Variants in MOXD1 observed in about 807,000 individuals in gnomAD.
MOXD1 encodes the protein monooxygenase DBH like 1.
Under a neutral mutation model 66.6 loss-of-function variants are expected in MOXD1, and 62 were observed. The observed-to-expected ratio is 0.93, with a 90% CI of 0.76 to 1.15. The LOEUF is 1.15. MOXD1 is among the 50% of genes most tolerant of loss of function. The pLI, the probability that MOXD1 is intolerant of heterozygous loss-of-function variation, is 0.00. For missense variants in MOXD1, 847 were observed against 754.6 expected (o/e 1.12, Z -1.44); for synonymous variants, 303 against 281.9 (o/e 1.07, Z -0.75).
chr6:132,307,715 A>G (rs1774726569), intron 10 of MOXD1, among the ~76,000 whole-genome samples: 1 of 152,158 alleles, frequency 6.6e-6, no homozygotes. Context: ...GGATTAACAA[A>G]CTCACTCAAA....
intron 1 of MOXD1, among the ~76,000 whole-genome samples, chr6:132,389,328 G>A (rs957985203): frequency 6.6e-6 from 1 of 151,468 alleles, no homozygotes; most frequent in African/African-American, 2.4e-5. Context: ...GCACATGCTA[G>A]CCCTTGTTTA....
intron 1 of MOXD1, among the ~76,000 whole-genome samples, chr6:132,379,960 C>T (rs1776477373): frequency 6.6e-6 from 1 of 152,112 alleles, no homozygotes; most frequent in Non-Finnish European, 1.5e-5. Flanking sequence ...CCACGTTGCC[C>T]AGGCTGGTCT....
chr6:132,309,529 T>C (rs552820506), intron 10 of MOXD1, among the ~76,000 whole-genome samples: 1 of 152,286 alleles, frequency 6.6e-6, no homozygotes, highest in African/African-American at 2.4e-5. Flanking sequence ...ATTTTAAATT[T>C]CATATGGAAT....
chr6:132,373,866 T>G (rs73546095), intron 2 of MOXD1, among the ~76,000 whole-genome samples: 4,945 of 152,344 alleles, frequency 0.032, 289 homozygotes, highest in African/African-American at 0.11. Context: ...TTATTCCAAT[T>G]AAAGTATAAT....
At chr6:132,343,313 G>A (rs1473994230) in intron 4 of MOXD1, among the ~76,000 whole-genome samples, 1 of 152,220 alleles carries the variant, frequency 6.6e-6, no homozygotes, top group Non-Finnish European at 1.5e-5. Context: ...AGTGGCTCAT[G>A]CCTGTAATCC....
At chr6:132,381,046 G>T (rs1473241437) in intron 1 of MOXD1, among the ~76,000 whole-genome samples, 3 of 152,144 alleles carry the variant, frequency 2.0e-5, no homozygotes, top group African/African-American at 7.2e-5. Flanking sequence ...GAAAAAAATA[G>T]ATCTAAGAGG....
chr6:132,358,064 G>C (rs1775942233), intron 4 of MOXD1, among the ~76,000 whole-genome samples: 1 of 152,142 alleles, frequency 6.6e-6, no homozygotes, highest in Non-Finnish European at 1.5e-5. Context: ...TATTGTGATA[G>C]GTCATATCTC....
At chr6:132,340,941 C>T (rs1252649814) in intron 4 of MOXD1, among the ~76,000 whole-genome samples, 2 of 152,134 alleles carry the variant, frequency 1.3e-5, no homozygotes, top group Non-Finnish European at 2.9e-5. Flanking sequence ...CCACTGCGCC[C>T]GGCAAGACTC....
chr6:132,383,444 A>G (rs1562298844), intron 1 of MOXD1, among the ~76,000 whole-genome samples: 1 of 152,218 alleles, frequency 6.6e-6, no homozygotes, highest in African/African-American at 2.4e-5. Flanking sequence ...GATCTGTTAA[A>G]TACCTACTAA....
chr6:132,315,276 A>G (rs1035172199), intron 10 of MOXD1, among the ~76,000 whole-genome samples: 1 of 151,930 alleles, frequency 6.6e-6, no homozygotes, highest in Non-Finnish European at 1.5e-5. Flanking sequence ...ATTCTGTGTG[A>G]CTCCACTGGA....
At chr6:132,359,580 G>A (rs1261198277) in intron 4 of MOXD1, among the ~76,000 whole-genome samples, 3 of 146,990 alleles carry the variant, frequency 2.0e-5, no homozygotes, top group Non-Finnish European at 4.5e-5. Context: ...TCCGCCTCCC[G>A]GGTTCACACC....
chr6:132,306,522 A>G (rs1239324098), intron 10 of MOXD1, among the ~76,000 whole-genome samples: 1 of 152,144 alleles, frequency 6.6e-6, no homozygotes, highest in African/African-American at 2.4e-5. Context: ...CACCATTAAG[A>G]TACTCCACGA....
At chr6:132,298,226 G>A (rs991364489) in intron 10 of MOXD1, among the ~76,000 whole-genome samples, 4 of 151,906 alleles carry the variant, frequency 2.6e-5, no homozygotes, top group Non-Finnish European at 5.9e-5. Context: ...TTGCTATGTT[G>A]CCCAGGTTGG....
intron 4 of MOXD1, among the ~76,000 whole-genome samples, chr6:132,359,647 C>T (rs552810760): frequency 2.7e-4 from 41 of 152,088 alleles, no homozygotes; most frequent in Non-Finnish European, 5.3e-4. Flanking sequence ...CCACGAAGCC[C>T]GGCTAATTTT....
At chr6:132,316,306 CAA>C (rs1157865241) in intron 9 of MOXD1, among the ~76,000 whole-genome samples, 1 of 151,878 alleles carries the variant, frequency 6.6e-6, no homozygotes, top group Non-Finnish European at 1.5e-5. Context: ...TAATTTCAAC[CAA>C]AAATTATTAA....
chr6:132,307,617 A>G (rs1774724318), intron 10 of MOXD1, among the ~76,000 whole-genome samples: 1 of 152,236 alleles, frequency 6.6e-6, no homozygotes, highest in Non-Finnish European at 1.5e-5. Context: ...ACATAATTGG[A>G]AGTAAAACAC....
intron 2 of MOXD1, among the ~76,000 whole-genome samples, chr6:132,374,001 T>C (rs566699894): frequency 5.3e-5 from 8 of 152,314 alleles, no homozygotes; most frequent in African/African-American, 1.4e-4. Flanking sequence ...TTTTTGAAGC[T>C]TTGATTTACA....
At chr6:132,320,493 T>G in intron 9 of MOXD1, 136 bp downstream of exon 9, 1 of 672,044 alleles carries the variant, frequency 1.5e-6, no homozygotes, top group East Asian at 2.9e-5. Flanking sequence ...CTGATGTCAC[T>G]TTTATGATAC....
chr6:132,377,922 G>T (rs1776427042), intron 1 of MOXD1, among the ~76,000 whole-genome samples: 1 of 152,082 alleles, frequency 6.6e-6, no homozygotes. Flanking sequence ...GAGGTTAGGA[G>T]TTTGAGACCA....
Sources: allele counts gnomAD v4.1 joint callset (sites outside exome capture counted in the v4.1 genomes callset), GRCh38; gene constraint gnomAD v4.1.1; transcripts MANE v1.5; gene names NCBI Gene and HGNC (gene_info 2026-07-23, HGNC 2026-07-21).